SCMH1: variants seen among roughly 807,000 people sequenced by gnomAD.
The protein encoded by SCMH1 is Scm polycomb group protein homolog 1.
In SCMH1, 37 loss-of-function variants were observed where a neutral mutation model predicts 70.8. The ratio of observed to expected loss-of-function variants is 0.52; its 90% confidence interval spans 0.40 to 0.69. SCMH1 has a LOEUF of 0.69. Among genes scored for constraint, SCMH1 ranks in the 30% least tolerant of loss-of-function variants. SCMH1 has a pLI of 0.00. For synonymous variants in SCMH1, 292 were observed against 307.4 expected (o/e 0.95, Z 0.52); for missense variants, 607 against 827.3 (o/e 0.73, Z 3.27).
At chr1:41,184,600 G>A (rs1265157921) in intron 2 of SCMH1, among the ~76,000 whole-genome samples, 1 of 152,132 alleles carries the variant, frequency 6.6e-6, no homozygotes, top group Non-Finnish European at 1.5e-5. Flanking sequence ...TTCACAAAAT[G>A]TAGTCTTTTG....
intron 2 of SCMH1, among the ~76,000 whole-genome samples, chr1:41,182,794 A>T (rs1042037630): frequency 1.6e-4 from 25 of 152,198 alleles, no homozygotes; most frequent in African/African-American, 6.0e-4. Flanking sequence ...AACTACTGAA[A>T]CATGGAAAGC....
intron 13 of SCMH1, among the ~76,000 whole-genome samples, chr1:41,029,641 T>C (rs1016798725): frequency 2.0e-5 from 3 of 152,230 alleles, no homozygotes; most frequent in African/African-American, 7.2e-5. Context: ...GACTATCATC[T>C]GTCAGAGATC....
intron 4 of SCMH1, among the ~76,000 whole-genome samples, chr1:41,156,358 C>T (rs1222199890): frequency 4.6e-5 from 7 of 152,136 alleles, no homozygotes; most frequent in Admixed American, 2.6e-4. Flanking sequence ...CCACTATTAC[C>T]GTATAAATAG....
chr1:41,183,194 C>G (rs1374114556), intron 2 of SCMH1, among the ~76,000 whole-genome samples: 22 of 152,184 alleles, frequency 1.4e-4, no homozygotes, highest in Non-Finnish European at 2.9e-5. Context: ...TCTTTAATCT[C>G]CCCTGCCCCA....
chr1:41,159,223 T>C (rs557020894), intron 4 of SCMH1, among the ~76,000 whole-genome samples: 142 of 152,322 alleles, frequency 9.3e-4, no homozygotes, highest in African/African-American at 3.2e-3. Context: ...TCAGAGGATA[T>C]GCCTATGCAA....
intron 1 of SCMH1, among the ~76,000 whole-genome samples, chr1:41,228,571 C>G (rs572093806): frequency 4.0e-5 from 6 of 151,672 alleles, no homozygotes; most frequent in South Asian, 2.1e-4. Context: ...TCACTTAAGC[C>G]TAGGAGTTCA....
In SCMH1 at chr1:41,161,345, G is replaced by A. The variant is rs1255354879; in HGVS notation, c.82+19C>T. 2.6e-6 allele frequency: 4 copies of A among 1,546,606 alleles called. No homozygotes were observed. Among genetic ancestry groups the A allele is most frequent in the East Asian group, 2.4e-5 (1 of 40,858 alleles). On this transcript the variant is annotated intron_variant, in intron 3 of 14. Transcript: ENST00000337495. ...CGAGTAAAATTTTTCCACACCAAAC[G>A]GAGTTTTTTCCCCCTTACCTTGATA...
At chr1:41,082,120 G>A (rs982260190) in intron 8 of SCMH1, among the ~76,000 whole-genome samples, 2 of 151,880 alleles carry the variant, frequency 1.3e-5, no homozygotes, top group Admixed American at 6.6e-5. Flanking sequence ...CTATGGGGGC[G>A]GCCAAAGATT....
chr1:41,147,349 A>G (rs1157092529), intron 5 of SCMH1, among the ~76,000 whole-genome samples: 2 of 152,206 alleles, frequency 1.3e-5, no homozygotes, highest in Non-Finnish European at 2.9e-5. Flanking sequence ...GAAAGCATTT[A>G]GTCTTTCACC....
chr1:41,211,096 C>T (rs576388281), intron 1 of SCMH1, among the ~76,000 whole-genome samples: 6 of 152,174 alleles, frequency 3.9e-5, no homozygotes, highest in East Asian at 1.9e-4. Flanking sequence ...GCGTGAGCTA[C>T]TGTGCCTGGC....
At chr1:41,222,498 C>A (rs750192093) in intron 1 of SCMH1, among the ~76,000 whole-genome samples, 9 of 152,162 alleles carry the variant, frequency 5.9e-5, no homozygotes, top group Non-Finnish European at 1.3e-4. Flanking sequence ...TATACTAACT[C>A]TTTATAACAT....
intron 1 of SCMH1, among the ~76,000 whole-genome samples, chr1:41,233,277 T>C (rs1661668685): frequency 6.6e-6 from 1 of 152,184 alleles, no homozygotes; most frequent in Non-Finnish European, 1.5e-5. Context: ...CTCTTTCACC[T>C]TCTTGTCTAT....
chr1:41,049,511 C>G (rs890510252), intron 10 of SCMH1, among the ~76,000 whole-genome samples: 2 of 151,646 alleles, frequency 1.3e-5, no homozygotes, highest in African/African-American at 4.8e-5. Flanking sequence ...GTGGCTCACG[C>G]CTGTAATCCC....
At chr1:41,069,394 T>C (rs1388003239) in intron 10 of SCMH1, among the ~76,000 whole-genome samples, 1 of 152,154 alleles carries the variant, frequency 6.6e-6, no homozygotes, top group Non-Finnish European at 1.5e-5. Context: ...GTCAGTTAAA[T>C]TGAAAGTGAT....
chr1:41,048,095 T>C (rs1188917222), intron 11 of SCMH1, among the ~76,000 whole-genome samples: 2 of 150,534 alleles, frequency 1.3e-5, no homozygotes, highest in Non-Finnish European at 1.5e-5. Context: ...CAAGTCTTCA[T>C]AGGTTTAGTG....
intron 9 of SCMH1, among the ~76,000 whole-genome samples, chr1:41,072,959 G>A (rs1571806115): frequency 6.6e-6 from 1 of 152,180 alleles, no homozygotes. Context: ...GAGCACGAAG[G>A]AGAATTAAGA....
chr1:41,032,329 G>A (rs1644643986), intron 13 of SCMH1, among the ~76,000 whole-genome samples: 1 of 152,176 alleles, frequency 6.6e-6, no homozygotes, highest in Non-Finnish European at 1.5e-5. Context: ...AATTTATATG[G>A]TGATTAGGAG....
chr1:41,094,833 G>A (rs939324077), intron 8 of SCMH1, among the ~76,000 whole-genome samples: 6 of 151,396 alleles, frequency 4.0e-5, no homozygotes, highest in African/African-American at 1.5e-4. Context: ...AGGTTGCAGT[G>A]AGCTGAGATT....
intron 10 of SCMH1, among the ~76,000 whole-genome samples, chr1:41,055,010 T>G (rs1649727595): frequency 6.6e-6 from 1 of 151,892 alleles, no homozygotes; most frequent in Admixed American, 6.6e-5. Context: ...CTTGAACACA[T>G]GGGCTCAAGG....
Sources: gnomAD v4.1 joint callset for allele counts (sites outside exome capture counted in the v4.1 genomes callset) on GRCh38, gnomAD v4.1.1 for gene constraint, MANE v1.5 for transcripts, NCBI Gene and HGNC (gene_info 2026-07-23, HGNC 2026-07-21) for gene names.